The following MUSK variants were observed in gnomAD, a reference collection of about 807,000 sequenced individuals.
MUSK encodes muscle, skeletal receptor tyrosine-protein kinase.
In MUSK, 55 loss-of-function variants were observed where a neutral mutation model predicts 88.7. The ratio of observed to expected loss-of-function variants is 0.62; its 90% CI spans 0.50 to 0.78. MUSK has a LOEUF of 0.78. MUSK is among the 30% of genes least tolerant of loss of function. The pLI is 0.00. For synonymous variants in MUSK, 387 were observed against 391.9 expected (o/e 0.99, Z 0.15); for missense variants, 1,015 against 1,074.3 (o/e 0.94, Z 0.77).
intron 13 of MUSK, among the ~76,000 whole-genome samples, chr9:110,786,113 C>A (rs2077856358): frequency 6.6e-6 from 1 of 151,164 alleles, no homozygotes; most frequent in Non-Finnish European, 1.5e-5. Flanking sequence ...GAATTCAAGA[C>A]CAGCCTGGCC....
At chr9:110,731,645 G>C (rs1293386088) in intron 5 of MUSK, among the ~76,000 whole-genome samples, 1 of 152,048 alleles carries the variant, frequency 6.6e-6, no homozygotes, top group African/African-American at 2.4e-5. Flanking sequence ...GCCCCCTTCA[G>C]GGAGAAGTTT....
chr9:110,773,916 A>T (rs2077622050), intron 9 of MUSK, among the ~76,000 whole-genome samples: 1 of 152,186 alleles, frequency 6.6e-6, no homozygotes, highest in Non-Finnish European at 1.5e-5. Flanking sequence ...TATTTGTAAA[A>T]TTCATTTGGG....
chr9:110,674,175 A>G (rs1401284343), intron 1 of MUSK, among the ~76,000 whole-genome samples: 4 of 152,186 alleles, frequency 2.6e-5, no homozygotes, highest in Admixed American at 1.3e-4. Context: ...GTCTCAAGCT[A>G]CTATCAAATA....
In MUSK at chr9:110,706,754, G is replaced by A. The variant is rs529859035; in HGVS notation, c.628+9288G>A. Among the ~76,000 whole-genome samples, 63 of 152,186 alleles carry A rather than the reference G, an allele frequency of 4.1e-4. No homozygotes were observed. The South Asian group carries it at 0.013, about 31-fold the overall frequency. ...CATAGTGGCTCACACCTGTCATCTC[G>A]GCACTTTGGGAGGTCGAGGCAGGCG... On this transcript the variant is annotated intron_variant, in intron 5 of 14. Coordinates refer to ENST00000374448, the MANE Select transcript of MUSK (RefSeq NM_005592.4).
rs772926677 is a variant in MUSK, at chr9:110,687,149, A to G, written c.239A>G (p.Asn80Ser). ...LFDTRYSIRENGQLLTILSVE... is the reference protein window; with the variant it reads ...LFDTRYSIRESGQLLTILSVE... ...GACACCCGGTACAGCATCCGGGAGA[A>G]TGGGCAGCTCCTCACCATCCTGAGT... The change falls in exon 3 of 15, where the codon AAT becomes AGT. Residue 80 changes from asparagine (N) to serine (S), a missense_variant. By Grantham distance (46) the Asn-to-Ser change is conservative (BLOSUM62 1). Coordinates refer to ENST00000374448, the MANE Select transcript of MUSK (RefSeq NM_005592.4). 1.5e-5 allele frequency: 24 copies of G among 1,613,620 alleles called. No individual in the cohort carries two copies. The East Asian group carries it at 4.9e-4, about 33-fold the overall frequency.
At chr9:110,752,742 T>G (rs2131892335) in intron 7 of MUSK, among the ~76,000 whole-genome samples, 1 of 152,366 alleles carries the variant, frequency 6.6e-6, no homozygotes, top group Non-Finnish European at 1.5e-5. Context: ...CTAATGATAT[T>G]TCTAGTGTTT....
intron 8 of MUSK, among the ~76,000 whole-genome samples, chr9:110,765,766 G>A (rs541655817): frequency 5.2e-4 from 79 of 152,082 alleles, no homozygotes; most frequent in African/African-American, 1.8e-3. Flanking sequence ...TAGAGACTGG[G>A]TTTCTCGATG....
intron 3 of MUSK, among the ~76,000 whole-genome samples, chr9:110,688,215 C>A (rs1438724586): frequency 6.6e-6 from 1 of 152,064 alleles, no homozygotes; most frequent in Admixed American, 6.6e-5. Flanking sequence ...TTATTAAAAA[C>A]TTTGATTCCA....
At chr9:110,689,720 T>TATATTATATATAAATA (rs1479572084) in intron 3 of MUSK, among the ~76,000 whole-genome samples, 2 of 57,038 alleles carry the variant, frequency 3.5e-5, no homozygotes, top group African/African-American at 1.4e-4. Context: ...ACTATATATG[T>TATATTATATATAAATA]TATATATAGT....
intron 1 of MUSK, among the ~76,000 whole-genome samples, chr9:110,674,317 A>G (rs1039029942): frequency 1.2e-4 from 18 of 152,204 alleles, no homozygotes; most frequent in African/African-American, 4.1e-4. Flanking sequence ...GGGAATTTCA[A>G]GTATTAATAC....
intron 6 of MUSK, among the ~76,000 whole-genome samples, chr9:110,747,273 G>T (rs2077185050): frequency 6.6e-6 from 1 of 152,210 alleles, no homozygotes; most frequent in Admixed American, 6.5e-5. Flanking sequence ...GGGCAGAGGG[G>T]ATAAACGGGC....
intron 1 of MUSK, among the ~76,000 whole-genome samples, chr9:110,670,810 C>T (rs924391577): frequency 3.9e-5 from 6 of 152,220 alleles, no homozygotes; most frequent in African/African-American, 1.2e-4. Flanking sequence ...TAACATCACT[C>T]TTAGCCAAAA....
chr9:110,779,080 G>GTGTC, intron 11 of MUSK, among the ~76,000 whole-genome samples: 1 of 151,940 alleles, frequency 6.6e-6, no homozygotes, highest in Non-Finnish European at 1.5e-5. Context: ...GTGTGTGTGT[G>GTGTC]TGTCTGTGTA....
intron 5 of MUSK, among the ~76,000 whole-genome samples, chr9:110,724,614 C>G (rs2076858838): frequency 6.6e-6 from 1 of 152,030 alleles, no homozygotes; most frequent in Non-Finnish European, 1.5e-5. Flanking sequence ...AAGCCCCTTT[C>G]TCTGTTTATA....
At chr9:110,681,543 A>G (rs2076136582) in intron 1 of MUSK, among the ~76,000 whole-genome samples, 1 of 152,028 alleles carries the variant, frequency 6.6e-6, no homozygotes, top group Non-Finnish European at 1.5e-5. Flanking sequence ...TCAGGATAAC[A>G]TAAGGTTAAG....
At chr9:110,748,221 T>C (rs987984298) in intron 7 of MUSK, among the ~76,000 whole-genome samples, 15 of 141,874 alleles carry the variant, frequency 1.1e-4, no homozygotes, top group African/African-American at 3.5e-4. Flanking sequence ...TCCCTCCCTC[T>C]TTTCCTTTTC....
chr9:110,671,818 CA>C lies in MUSK; in HGVS notation c.79+2836del, dbSNP rs1250276270. 5.9e-5 allele frequency among the ~76,000 whole-genome samples: 9 copies of C among 152,294 alleles called. No individual in the cohort carries two copies. In the South Asian group the frequency reaches 1.0e-3, roughly 18 times the overall value. ...ATGTATGGTGCAATGTTAGATTCTG[CA>C]GGAGCATAAGAGTTCATGTAAGCAG... On this transcript the variant is annotated intron_variant, in intron 1 of 14. Coordinates refer to ENST00000374448, the MANE Select transcript of MUSK (RefSeq NM_005592.4).
chr9:110,735,029 G>A (rs552491780), intron 6 of MUSK, among the ~76,000 whole-genome samples: 1 of 152,170 alleles, frequency 6.6e-6, no homozygotes, highest in East Asian at 1.9e-4. Flanking sequence ...GGTGTCAAAT[G>A]CCATGCAGAA....
chr9:110,800,445 C>T lies in MUSK; in HGVS notation c.2067C>T (p.Val689=). ...GTGACTTGTCTATGAGGGCTCAGGT[C>T]TCCAGCCCTGGGCCCCCACCCCTCT... ...SHSDLSMRAQ[V]SSPGPPPLSC... is the part of the protein sequence containing the mutation. Residue 689 remains valine, a synonymous_variant, in exon 15 of 15, where the codon GTC becomes GTT. Transcript: ENST00000374448. 6.2e-7 allele frequency: 1 copy of T among 1,613,900 alleles called. No homozygotes were observed. The highest frequency in any genetic ancestry group is 8.5e-7 in the Non-Finnish European group (1 of 1,179,876).
Sources: allele counts gnomAD v4.1 joint callset (sites outside exome capture counted in the v4.1 genomes callset), GRCh38; gene constraint gnomAD v4.1.1; transcripts MANE v1.5; gene names NCBI Gene and HGNC (gene_info 2026-07-23, HGNC 2026-07-21).